Variants in ZBTB17 observed in about 807,000 individuals in gnomAD.
ZBTB17 encodes zinc finger and BTB domain containing 17.
ZBTB17 carries 24 observed loss-of-function variants against 85.1 expected under a neutral mutation model. The ratio of observed to expected loss-of-function variants is 0.28; its 90% confidence interval spans 0.20 to 0.40. ZBTB17 has a LOEUF of 0.40. Among genes scored for constraint, ZBTB17 ranks in the 10% least tolerant of loss-of-function variants. The pLI, the probability that ZBTB17 is intolerant of heterozygous loss-of-function variation, is 1.00. For synonymous variants in ZBTB17, 464 were observed against 460.2 expected, an observed-to-expected ratio of 1.01 and a Z score of -0.11; for missense variants, 743 against 1,105.1, an observed-to-expected ratio of 0.67 and a Z score of 4.65.
rs75810116 is a variant in ZBTB17 at position 15,949,714 on chromosome 1, G to A, written c.-2-1217C>T. Among the ~76,000 whole-genome samples, 636 of 152,338 alleles carry A rather than the reference G, an allele frequency of 4.2e-3. 4 individuals carry two copies. The highest frequency in any genetic ancestry group is 6.9e-3 in the Non-Finnish European group (471 of 68,040). On this transcript the variant is annotated intron_variant, in intron 2 of 15. Transcript: ENST00000375743. ...GCATCTTGGGGGGTGAATCACTGCC[G>A]CAGCTCTGAAGCTGCTGTGGCCATG...
At position 15,951,905 on chromosome 1, in the gene ZBTB17, T is replaced by C. The variant is rs1432254808; in HGVS notation, c.-2-3408A>G. ...AGTAATCAGATCAACAGCCAGCTGC[T>C]CCCCATCGCCCCCAGATGTGCGGGA... On this transcript the variant is annotated intron_variant, in intron 2 of 15. Coordinates refer to ENST00000375743, the MANE Select transcript of ZBTB17 (RefSeq NM_003443.3). The surrounding 1 kb of genome is among the most constrained non-coding windows in gnomAD (Gnocchi z 4.1). 6.6e-6 allele frequency among the ~76,000 whole-genome samples: 1 copy of C among 152,046 alleles called. No homozygotes were observed. Among genetic ancestry groups the C allele is most frequent in the Non-Finnish European group, 1.5e-5 (1 of 67,988 alleles).
At chr1:15,961,942 G>C (rs2072275389) in intron 2 of ZBTB17, among the ~76,000 whole-genome samples, 1 of 152,178 alleles carries the variant, frequency 6.6e-6, no homozygotes, top group Non-Finnish European at 1.5e-5. Flanking sequence ...GGTGGCGCGT[G>C]CCTGTAATCT....
At chr1:15,947,433 T>G (rs1269538407) in intron 3 of ZBTB17, 2 of 366,370 alleles carry the variant, frequency 5.5e-6, no homozygotes, top group Non-Finnish European at 1.0e-5. Context: ...GAACAGAAGG[T>G]GCAACTGTCC....
At chr1:15,969,237 G>A (rs1023178750) in intron 2 of ZBTB17, among the ~76,000 whole-genome samples, 9 of 152,182 alleles carry the variant, frequency 5.9e-5, no homozygotes, top group African/African-American at 1.2e-4. Flanking sequence ...AGATGGGATC[G>A]TCTAGTTGCA....
intron 2 of ZBTB17, among the ~76,000 whole-genome samples, chr1:15,955,260 C>T (rs568476523): frequency 4.6e-5 from 7 of 152,302 alleles, no homozygotes; most frequent in African/African-American, 1.7e-4. Context: ...CCACCAACCA[C>T]CCCAGTTTGA....
rs370268492 is a variant in ZBTB17, at chr1:15,966,965, A to G, written c.-3+6074T>C. Among the ~76,000 whole-genome samples, 1 of 151,952 alleles carries G rather than the reference A, an allele frequency of 6.6e-6. No individual in the cohort carries two copies. The highest frequency in any genetic ancestry group is 1.5e-5 in the Non-Finnish European group (1 of 68,006). On this transcript the variant is annotated intron_variant, in intron 2 of 15. Transcript: ENST00000375743. The surrounding 1 kb of genome is among the most constrained non-coding windows in gnomAD (Gnocchi z 4.1). ...AACAAAAAAAAAAGCCGTGGCCAGC[A>G]AAAGAAGTAGATTATGATCTCCAGG...
chr1:15,961,024 G>A (rs931003115), intron 2 of ZBTB17, among the ~76,000 whole-genome samples: 1 of 151,992 alleles, frequency 6.6e-6, no homozygotes, highest in African/African-American at 2.4e-5. Flanking sequence ...AGAGGCGGGA[G>A]GATCACTTAA....
chr1:15,971,653 G>C (rs1312554293), intron 2 of ZBTB17, among the ~76,000 whole-genome samples: 1 of 148,410 alleles, frequency 6.7e-6, no homozygotes, highest in East Asian at 2.0e-4. Flanking sequence ...AAACGAAAAG[G>C]TTGGGGAGTG....
At chr1:15,950,576 A>G (rs2071796869) in intron 2 of ZBTB17, among the ~76,000 whole-genome samples, 1 of 152,204 alleles carries the variant, frequency 6.6e-6, no homozygotes, top group Non-Finnish European at 1.5e-5. Flanking sequence ...AAAATCCTCA[A>G]CTGGCTTCAG....
intron 9 of ZBTB17, chr1:15,944,097 C>G: frequency 3.0e-6 from 3 of 1,010,438 alleles, no homozygotes; most frequent in South Asian, 1.4e-5. Context: ...GACCAAACCC[C>G]GCCCTGAGTC....
At chr1:15,942,861 CT>C in intron 13 of ZBTB17, 123 bp from the exon 14 acceptor site, 1 of 1,364,908 alleles carries the variant, frequency 7.3e-7, no homozygotes, top group Non-Finnish European at 1.0e-6. Flanking sequence ...TCTGGGGTGG[CT>C]GCACGGGTGC....
intron 2 of ZBTB17, among the ~76,000 whole-genome samples, chr1:15,955,256 A>G (rs878919469): frequency 6.6e-6 from 1 of 152,122 alleles, no homozygotes; most frequent in African/African-American, 2.4e-5. Context: ...AACCCCACCA[A>G]CCACCCCAGT....
intron 2 of ZBTB17, among the ~76,000 whole-genome samples, chr1:15,957,712 T>C (rs543686774): frequency 1.3e-4 from 19 of 151,960 alleles, no homozygotes; most frequent in East Asian, 3.9e-4. Flanking sequence ...ACCAAGGAGG[T>C]AGAAAACAGG....
At position 15,952,442 on chromosome 1, in the gene ZBTB17, C is replaced by T. The variant is rs191955921; in HGVS notation, c.-2-3945G>A. ...CGGAACAGACGCGGCAGAACCGACA[C>T]GGCGGAACGGACGCGGATGATGCAG... is the stretch of plus-strand genomic sequence containing the variant. On this transcript the variant is annotated intron_variant, in intron 2 of 15. Transcript: ENST00000375743. This position sits in a 1 kb window ranked among gnomAD's most constrained non-coding sequence, Gnocchi z 4.3. 7.2e-5 allele frequency among the ~76,000 whole-genome samples: 11 copies of T among 152,354 alleles called. No homozygotes were observed. The highest frequency in any genetic ancestry group is 1.0e-4 in the Non-Finnish European group (7 of 68,042).
intron 9 of ZBTB17, 164 bp from the exon 10 acceptor site, chr1:15,944,059 G>C (rs2071477040): frequency 1.0e-6 from 1 of 965,430 alleles, no homozygotes; most frequent in African/African-American, 1.6e-5. Context: ...AGCGGTGAGA[G>C]GTAAGCCGCC....
In ZBTB17 at chr1:15,943,057, A is replaced by G. The variant is rs1471661562; in HGVS notation, c.1828+7T>C. The G allele has an allele frequency of 2.5e-6, 4 of 1,614,076 alleles. No homozygotes were observed. Among genetic ancestry groups the G allele is most frequent in the Non-Finnish European group, 2.5e-6 (3 of 1,179,966 alleles). On this transcript the variant is annotated splice_region_variant and intron_variant, in intron 13 of 15. Transcript: ENST00000375743. ...AAGGAACAGGCATGGTAGGGGCCAC[A>G]GCTCACCAGTGTGAATGATGATGTG...
In ZBTB17 at chr1:15,949,551, A is replaced by C. The variant is rs187272440; in HGVS notation, c.-2-1054T>G. Among the ~76,000 whole-genome samples, 979 of 151,928 alleles carry C rather than the reference A, an allele frequency of 6.4e-3. 8 individuals are homozygous for C. The highest frequency in any genetic ancestry group is 0.02 in the Middle Eastern group (6 of 294). Reference sequence around the variant, plus strand: ...CTAAGGGGTAGTGAGTTCTCTGCCTACTCCTCCTCTTCTCTGAGGCCTGAG... The same window carrying C: ...CTAAGGGGTAGTGAGTTCTCTGCCTCCTCCTCCTCTTCTCTGAGGCCTGAG... On this transcript the variant is annotated intron_variant, in intron 2 of 15. Transcript: ENST00000375743.
At chr1:15,944,245 G>A (rs1415984248) in intron 9 of ZBTB17, 55 bp downstream of exon 9, 24 of 1,543,974 alleles carry the variant, frequency 1.6e-5, no homozygotes, top group Non-Finnish European at 2.0e-5. Context: ...TGGCATGCAT[G>A]CGGCTGCGGC....
At position 15,942,069 on chromosome 1, in the gene ZBTB17, G is replaced by T; in HGVS notation, c.2312C>A (p.Ala771Asp). 4 of 1,612,962 alleles carry T rather than the reference G, an allele frequency of 2.5e-6. No individual in the cohort carries two copies. The highest frequency in any genetic ancestry group is 3.4e-6 in the Non-Finnish European group (4 of 1,180,026). Residue 771 changes from alanine (A) to aspartate (D), a missense_variant, in exon 16 of 16, where the codon GCT becomes GAT. Ala to Asp is a moderately radical substitution (Grantham distance 126). Coordinates refer to ENST00000375743, the MANE Select transcript of ZBTB17 (RefSeq NM_003443.3). ...GCGAGGGCGGAAGACCAGCTCCCCA[G>T]CCTGCAGCACCTGCCCGGCAGGCCA... ...GTWPAGQVLQAGELVFRPRDG... is the reference protein window; with the variant it reads ...GTWPAGQVLQDGELVFRPRDG...
Sources: allele counts gnomAD v4.1 joint callset (sites outside exome capture counted in the v4.1 genomes callset), GRCh38; gene constraint gnomAD v4.1.1; non-coding constraint Gnocchi (gnomAD v3.1); transcripts MANE v1.5; gene names NCBI Gene and HGNC (gene_info 2026-07-23, HGNC 2026-07-21).